Variants in CALN1 observed in about 807,000 individuals in gnomAD.
CALN1 encodes the protein calneuron 1, also known as calcium-binding protein 8.
CALN1 carries 17 observed loss-of-function variants against 30.6 expected under a neutral mutation model. The observed-to-expected ratio is 0.56, with a 90% CI of 0.38 to 0.83. CALN1 has a LOEUF of 0.83. Among genes scored for constraint, CALN1 ranks in the 40% least tolerant of loss-of-function variants. The probability of loss-of-function intolerance (pLI) is 0.00; values close to 1 mark genes in which losing one functional copy is unlikely to be tolerated. For synonymous variants in CALN1, 156 were observed against 131.4 expected (o/e 1.19, Z -1.28); for missense variants, 291 against 354.9 (o/e 0.82, Z 1.45).
At chr7:72,222,769 C>T (rs1793399188) in intron 3 of CALN1, among the ~76,000 whole-genome samples, 2 of 152,090 alleles carry the variant, frequency 1.3e-5, no homozygotes, top group Admixed American at 6.6e-5. Context: ...ACCTGTAATC[C>T]CAGTGCTTTA....
At chr7:72,432,378 G>A (rs1381910266) in intron 1 of CALN1, among the ~76,000 whole-genome samples, 1 of 152,048 alleles carries the variant, frequency 6.6e-6, no homozygotes, top group African/African-American at 2.4e-5. Context: ...GTCTTTATTA[G>A]CAGCATGAGA....
chr7:72,058,162 G>A (rs763425774), intron 4 of CALN1, among the ~76,000 whole-genome samples: 4 of 152,132 alleles, frequency 2.6e-5, no homozygotes, highest in South Asian at 2.1e-4. Flanking sequence ...ACACCTACAC[G>A]TGCTACCAAG....
intron 2 of CALN1, among the ~76,000 whole-genome samples, chr7:72,302,285 A>G (rs759937964): frequency 1.3e-5 from 2 of 152,188 alleles, no homozygotes; most frequent in Non-Finnish European, 2.9e-5. Flanking sequence ...GCCAAACCTC[A>G]TAAAATTTCA....
intron 5 of CALN1, among the ~76,000 whole-genome samples, chr7:71,848,776 G>T (rs974353932): frequency 2.6e-5 from 4 of 152,110 alleles, no homozygotes; most frequent in Non-Finnish European, 5.9e-5. Context: ...ATTGGTAGTT[G>T]TAAAGTCCAA....
chr7:71,972,716 G>C (rs778382663), intron 5 of CALN1, among the ~76,000 whole-genome samples: 3 of 152,082 alleles, frequency 2.0e-5, no homozygotes, highest in Non-Finnish European at 4.4e-5. Flanking sequence ...TTTCAGCTTC[G>C]TGCGTGCTTC....
At chr7:71,925,350 G>A (rs1795210527) in intron 5 of CALN1, among the ~76,000 whole-genome samples, 1 of 152,054 alleles carries the variant, frequency 6.6e-6, no homozygotes, top group South Asian at 2.1e-4. Context: ...ACTATTCCTA[G>A]AAATTCTTAT....
rs947005382 is a variant in CALN1 at position 71,783,619 on chromosome 7, C to T, written c.*4156G>A. 2 of 152,380 alleles carry T rather than the reference C, an allele frequency of 1.3e-5. No homozygotes were observed. The highest frequency in any genetic ancestry group is 4.9e-5 in the African/African-American group (2 of 41,210). 9.4% of individuals were successfully genotyped at this position (152,380 alleles called of 1,614,324 possible). On this transcript the variant is annotated 3_prime_UTR_variant, in exon 7 of 7. Coordinates refer to ENST00000395275, the MANE Select transcript of CALN1 (RefSeq NM_031468.4). The stretch of plus-strand genomic sequence containing the variant: ...TGCATCCTTCATTTTCTGTCCATGC[C>T]CTCATAGGGCCTCAGGGAAACTGCT...
chr7:71,944,775 C>G (rs1796323352), intron 5 of CALN1, among the ~76,000 whole-genome samples: 1 of 152,066 alleles, frequency 6.6e-6, no homozygotes, highest in Non-Finnish European at 1.5e-5. Flanking sequence ...TGTTTACAAA[C>G]AATTGCTACC....
chr7:72,409,043 T>C (rs1018848531), intron 1 of CALN1, among the ~76,000 whole-genome samples: 2 of 151,724 alleles, frequency 1.3e-5, no homozygotes, highest in Admixed American at 1.3e-4. Flanking sequence ...TGGCCCACAC[T>C]AGACTGCAGT....
chr7:72,160,428 G>A (rs62462848), intron 3 of CALN1, among the ~76,000 whole-genome samples: 40,772 of 151,666 alleles, frequency 0.27, 6,279 homozygotes, highest in Non-Finnish European at 0.35. Context: ...ACAGGCATGC[G>A]CCACCATGCC....
At chr7:72,284,867 ATAGG>A (rs1338963373) in intron 2 of CALN1, among the ~76,000 whole-genome samples, 6 of 152,190 alleles carry the variant, frequency 3.9e-5, no homozygotes, top group African/African-American at 1.4e-4. Context: ...TGATGGATGG[ATAGG>A]TAGGTAGGTA....
intron 1 of CALN1, among the ~76,000 whole-genome samples, chr7:72,422,996 C>T (rs1024262348): frequency 3.3e-5 from 5 of 151,790 alleles, no homozygotes; most frequent in Non-Finnish European, 7.4e-5. Flanking sequence ...AGGCGTGGTC[C>T]CAGCTACTCA....
At chr7:72,166,469 G>A (rs1330427519) in intron 3 of CALN1, among the ~76,000 whole-genome samples, 8 of 152,172 alleles carry the variant, frequency 5.3e-5, no homozygotes, top group African/African-American at 1.9e-4. Context: ...GGGATCACAG[G>A]CATGAGCCAA....
chr7:72,157,996 C>T (rs1021167336), intron 3 of CALN1, among the ~76,000 whole-genome samples: 6 of 152,154 alleles, frequency 3.9e-5, no homozygotes, highest in Non-Finnish European at 4.4e-5. Context: ...CCACCCATCT[C>T]GGCCTCCCAA....
rs115420550 is a variant in CALN1, at chr7:71,827,032, G to A, written c.502-16540C>T. Among the ~76,000 whole-genome samples the A allele has an allele frequency of 5.2e-3, 798 of 152,314 alleles. 4 individuals carry two copies. The highest frequency in any genetic ancestry group is 0.015 in the African/African-American group (642 of 41,566). Reference sequence around the variant, plus strand: ...TGGAGGAAATGCCAGCCGGATGCACGTAGGGATAGGGTGCAGCCGGAGTCC... The same window carrying A: ...TGGAGGAAATGCCAGCCGGATGCACATAGGGATAGGGTGCAGCCGGAGTCC... On this transcript the variant is annotated intron_variant, in intron 5 of 6. Coordinates refer to ENST00000395275, the MANE Select transcript of CALN1 (RefSeq NM_031468.4).
intron 5 of CALN1, among the ~76,000 whole-genome samples, chr7:71,861,325 C>G (rs57704013): frequency 0.17 from 26,323 of 152,124 alleles, 2,738 homozygotes; most frequent in Non-Finnish European, 0.23. Context: ...ATGTATTACT[C>G]TATCCCTCAT....
Position 71,802,210 on chromosome 7 carries a change from C to T in CALN1, c.658+8126G>A, listed in dbSNP as rs1036263156. ...GAGCACTTAATAAGAATCTGGTGAC[C>T]GGCAAATAGATGATTCAACCACAAA... On this transcript the variant is annotated intron_variant, in intron 6 of 6. Coordinates refer to ENST00000395275, the MANE Select transcript of CALN1 (RefSeq NM_031468.4). Among the ~76,000 whole-genome samples the T allele has an allele frequency of 7.2e-5, 11 of 151,914 alleles. No individual in the cohort carries two copies. The South Asian group carries it at 8.4e-4, about 12-fold the overall frequency.
chr7:72,445,091 C>T lies in CALN1; in HGVS notation c.-226+1951G>A, dbSNP rs1031521522. 2.4e-3 allele frequency among the ~76,000 whole-genome samples: 356 copies of T among 151,258 alleles called. 4 individuals carry two copies. Among genetic ancestry groups the T allele is most frequent in the African/African-American group, 8.4e-3 (347 of 41,312 alleles). ...ACACACACACACACACACACACACA[C>T]ACACACACACACACAACATTAAGTT... On this transcript the variant is annotated intron_variant, in intron 1 of 6. Coordinates refer to the CALN1 transcript ENST00000395276.
intron 5 of CALN1, among the ~76,000 whole-genome samples, chr7:71,887,938 A>G (rs1562873611): frequency 2.6e-5 from 4 of 151,970 alleles, no homozygotes; most frequent in African/African-American, 7.3e-5. Flanking sequence ...GGAGGGCATG[A>G]TTCGTTCAAC....
Sources: gnomAD v4.1 joint callset for allele counts (sites outside exome capture counted in the v4.1 genomes callset) on GRCh38, gnomAD v4.1.1 for gene constraint, MANE v1.5 for transcripts, NCBI Gene and HGNC (gene_info 2026-07-23, HGNC 2026-07-21) for gene names.